ISOC1: variants seen among roughly 807,000 people sequenced by gnomAD.
ISOC1 encodes the protein isochorismatase domain containing 1, also known as isochorismatase domain-containing protein 1.
ISOC1 carries 33 observed loss-of-function variants against 30.0 expected under a neutral mutation model. The observed-to-expected ratio is 1.10, with a 90% CI of 0.83 to 1.47. The LOEUF is 1.47. Among genes scored for constraint, ISOC1 ranks in the 40% most tolerant of loss-of-function variants. ISOC1 has a pLI of 0.00. For synonymous variants in ISOC1, 178 were observed against 159.8 expected (o/e 1.11, Z -0.86); for missense variants, 372 against 388.0 (o/e 0.96, Z 0.35).
intron 3 of ISOC1, among the ~76,000 whole-genome samples, chr5:129,106,169 C>G (rs1753635639): frequency 6.6e-6 from 1 of 152,234 alleles, no homozygotes; most frequent in South Asian, 2.1e-4. Context: ...TGTTCATCAT[C>G]ATTAGACCTT....
At chr5:129,104,029 A>C (rs1299560111) in intron 1 of ISOC1, among the ~76,000 whole-genome samples, 1 of 152,174 alleles carries the variant, frequency 6.6e-6, no homozygotes, top group Non-Finnish European at 1.5e-5. Flanking sequence ...AAATTGTTAT[A>C]GACCAACTAC....
intron 1 of ISOC1, among the ~76,000 whole-genome samples, chr5:129,103,572 G>A (rs756480923): frequency 5.9e-5 from 9 of 152,142 alleles, no homozygotes; most frequent in Non-Finnish European, 1.0e-4. Context: ...GGGTACTTCA[G>A]ACCAGGACAT....
intron 4 of ISOC1, among the ~76,000 whole-genome samples, chr5:129,108,345 C>T (rs1244809037): frequency 6.6e-6 from 1 of 152,086 alleles, no homozygotes; most frequent in East Asian, 1.9e-4. Context: ...TATTGGCTCT[C>T]CCTTCTCTGT....
intron 1 of ISOC1, among the ~76,000 whole-genome samples, chr5:129,099,618 T>A (rs1753546879): frequency 1.3e-5 from 2 of 152,240 alleles, no homozygotes; most frequent in African/African-American, 4.8e-5. Context: ...TTCCTTATTC[T>A]GCATATTATG....
chr5:129,094,872 G>A lies in ISOC1; in HGVS notation c.106G>A (p.Ala36Thr). The change falls in exon 1 of 5, where the codon GCG becomes ACG. Residue 36 changes from alanine (A) to threonine (T), a missense_variant. Coordinates refer to ENST00000173527, the MANE Select transcript of ISOC1 (RefSeq NM_016048.2). ...VPVLFCFSVF[A>T]RPSSVPHGAG... ...GGTGCTCTTCTGTTTCTCAGTCTTC[G>A]CGCGACCCTCGTCGGTGCCACACGG... The A allele has an allele frequency of 6.3e-7, 1 of 1,597,672 alleles. No individual in the cohort carries two copies. Among genetic ancestry groups the A allele is most frequent in the Non-Finnish European group, 8.5e-7 (1 of 1,174,084 alleles).
chr5:129,107,638 G>C (rs909289485), intron 4 of ISOC1, among the ~76,000 whole-genome samples: 1 of 152,150 alleles, frequency 6.6e-6, no homozygotes, highest in Admixed American at 6.5e-5. Context: ...ATGTATATAG[G>C]ATATGCATAG....
chr5:129,106,836 G>A, intron 3 of ISOC1, 110 bp from the exon 4 acceptor site: 1 of 704,744 alleles, frequency 1.4e-6, no homozygotes, highest in Non-Finnish European at 2.5e-6. Context: ...GTAGAACAAG[G>A]TCCTTAGATG....
intron 1 of ISOC1, among the ~76,000 whole-genome samples, chr5:129,104,036 C>G (rs1753603784): frequency 1.3e-5 from 2 of 152,290 alleles, no homozygotes; most frequent in Admixed American, 1.3e-4. Context: ...TATAGACCAA[C>G]TACAGCAGCT....
In ISOC1 at chr5:129,101,192, A is replaced by AATATATATATATATAT. The variant is rs1554064628; in HGVS notation, c.310-3763_310-3748dup. On this transcript the variant is annotated intron_variant, in intron 1 of 4. Transcript: ENST00000173527. ...AAAAAAAAAAAAAAAAAAAAAAAAA[A>AATATATATATATATAT]ATATATATATATATATGGTTGGGTT... Among the ~76,000 whole-genome samples the AATATATATATATATAT allele has an allele frequency of 2.0e-3, 86 of 42,216 alleles. 2 individuals carry two copies. Among genetic ancestry groups the AATATATATATATATAT allele is most frequent in the African/African-American group, 0.013 (71 of 5,432 alleles). 27.7% of individuals were successfully genotyped at this position (42,216 alleles called of 152,430 possible).
chr5:129,110,916 T>C (rs1424363163), intron 4 of ISOC1, among the ~76,000 whole-genome samples: 2 of 152,114 alleles, frequency 1.3e-5, no homozygotes, highest in Non-Finnish European at 2.9e-5. Flanking sequence ...GACTGAATCA[T>C]TGCAAGTCCA....
rs1347571478 is a variant in ISOC1, at chr5:129,095,012, C to G, written c.246C>G (p.Asp82Glu). The change falls in exon 1 of 5, where the codon GAC becomes GAG. Residue 82 changes from aspartate (D) to glutamate (E), a missense_variant. By Grantham distance (45) the Asp-to-Glu change is conservative. Coordinates refer to ENST00000173527, the MANE Select transcript of ISOC1 (RefSeq NM_016048.2). ...LFAEEWGQYVDLPKGFAVSER... is the reference protein window; with the variant it reads ...LFAEEWGQYVELPKGFAVSER... ...CCGAGGAGTGGGGCCAGTACGTGGA[C>G]TTGCCCAAGGGCTTCGCGGTGAGCG... The G allele has an allele frequency of 6.2e-7, 1 of 1,606,448 alleles. No individual in the cohort carries two copies. Among genetic ancestry groups the G allele is most frequent in the Admixed American group, 1.7e-5 (1 of 59,324 alleles).
chr5:129,113,026 C>T lies in ISOC1; in HGVS notation c.*25C>T, dbSNP rs759457831. ...GGACATTTGAAGAACTGGTATGCTA[C>T]TCACTGGTGAAGGACAGTCAGGTGA... On this transcript the variant is annotated 3_prime_UTR_variant, in exon 5 of 5. Coordinates refer to ENST00000173527, the MANE Select transcript of ISOC1 (RefSeq NM_016048.2). 4 of 1,598,000 alleles carry T rather than the reference C, an allele frequency of 2.5e-6. No homozygotes were observed. The highest frequency in any genetic ancestry group is 3.4e-6 in the Non-Finnish European group (4 of 1,171,292).
At chr5:129,097,723 A>G (rs1753521491) in intron 1 of ISOC1, 2 of 151,398 alleles carry the variant, frequency 1.3e-5, no homozygotes, top group South Asian at 2.1e-4. Context: ...TAGCTCCTCC[A>G]CAAATGCGTG....
chr5:129,110,809 G>T (rs149161348), intron 4 of ISOC1, among the ~76,000 whole-genome samples: 85 of 152,260 alleles, frequency 5.6e-4, no homozygotes, highest in African/African-American at 2.0e-3. Context: ...AAGGAACTGG[G>T]GAGATTATCG....
intron 1 of ISOC1, 122 bp from the exon 2 acceptor site, chr5:129,104,834 G>T: frequency 1.2e-6 from 1 of 861,136 alleles, no homozygotes; most frequent in South Asian, 2.1e-5. Context: ...TTGGATAATA[G>T]CGGTAGAAAT....
At chr5:129,106,499 C>T (rs1334861684) in intron 3 of ISOC1, among the ~76,000 whole-genome samples, 21 of 152,122 alleles carry the variant, frequency 1.4e-4, no homozygotes, top group Admixed American at 1.4e-3. Context: ...CTACAGAGTG[C>T]CTCATAATGA....
At chr5:129,097,700 GC>G (rs1008725043) in intron 1 of ISOC1, 1 of 151,394 alleles carries the variant, frequency 6.6e-6, no homozygotes, top group African/African-American at 2.4e-5. Flanking sequence ...GCAAGTCTCC[GC>G]ATATGCCTGG....
At chr5:129,099,465 A>T (rs1041811120) in intron 1 of ISOC1, among the ~76,000 whole-genome samples, 1 of 152,246 alleles carries the variant, frequency 6.6e-6, no homozygotes, top group Non-Finnish European at 1.5e-5. Flanking sequence ...TATGTTGTAA[A>T]AATAAGAGCC....
intron 1 of ISOC1, among the ~76,000 whole-genome samples, chr5:129,099,879 A>C (rs1244277155): frequency 6.6e-6 from 1 of 152,226 alleles, no homozygotes; most frequent in Non-Finnish European, 1.5e-5. Flanking sequence ...GCTGTGTTAC[A>C]GATAAGGAAA....
Sources: allele counts gnomAD v4.1 joint callset (sites outside exome capture counted in the v4.1 genomes callset), GRCh38; gene constraint gnomAD v4.1.1; transcripts MANE v1.5; gene names NCBI Gene and HGNC (gene_info 2026-07-23, HGNC 2026-07-21).